Variants in LAMC1 observed in about 807,000 individuals in gnomAD.
The protein encoded by LAMC1 is laminin subunit gamma-1.
A neutral mutation model predicts 173.6 loss-of-function variants in LAMC1; 38 were observed. The ratio of observed to expected loss-of-function variants is 0.22; its 90% CI spans 0.17 to 0.29. The LOEUF (loss-of-function observed/expected upper bound fraction) is 0.29, where lower values mean the gene tolerates loss of function less well. LAMC1 is among the 10% of genes least tolerant of loss of function. LAMC1 has a pLI of 1.00. For synonymous variants in LAMC1, 746 were observed against 749.1 expected, an observed-to-expected ratio of 1.00 and a Z score of 0.07; for missense variants, 1,824 against 2,051.8, an observed-to-expected ratio of 0.89 and a Z score of 2.14.
chr1:183,056,063 A>G (rs1259185580), intron 1 of LAMC1, among the ~76,000 whole-genome samples: 1 of 152,232 alleles, frequency 6.6e-6, no homozygotes, highest in Non-Finnish European at 1.5e-5. Context: ...AAGATGGAGT[A>G]GAACTGGCCC....
At chr1:183,119,655 C>T (rs1476519874) in intron 11 of LAMC1, among the ~76,000 whole-genome samples, 2 of 151,896 alleles carry the variant, frequency 1.3e-5, no homozygotes, top group Non-Finnish European at 2.9e-5. Flanking sequence ...GGATCACGTG[C>T]ACTCAGGAGG....
chr1:183,143,497 T>C lies in LAMC1; in HGVS notation c.*707T>C, dbSNP rs1329035865. On this transcript the variant is annotated 3_prime_UTR_variant, in exon 28 of 28. Transcript: ENST00000258341. ...ATTGACTAGGAAGATGAACTTTTTT[T>C]CAGATCTTTGGGCAGCTGATAATTT... 1.3e-5 allele frequency: 2 copies of C among 152,616 alleles called. No individual in the cohort carries two copies. Among genetic ancestry groups the C allele is most frequent in the Non-Finnish European group, 2.9e-5 (2 of 68,044 alleles). 9.5% of individuals were successfully genotyped at this position (152,616 alleles called of 1,614,324 possible).
intron 1 of LAMC1, among the ~76,000 whole-genome samples, chr1:183,094,844 G>T (rs1448891577): frequency 6.6e-6 from 1 of 151,914 alleles, no homozygotes. Context: ...GATTGGAGGG[G>T]TTTTTTTGTT....
intron 1 of LAMC1, among the ~76,000 whole-genome samples, chr1:183,089,167 T>C (rs1485606862): frequency 6.6e-6 from 1 of 152,228 alleles, no homozygotes; most frequent in Non-Finnish European, 1.5e-5. Flanking sequence ...GAAAGGACTT[T>C]GGCTGTTCTC....
Position 183,023,953 on chromosome 1 carries a change from G to C in LAMC1, c.237G>C (p.Gln79His), listed in dbSNP as rs1653610057. The part of the protein sequence containing the change: ...CGTPPEEYCV[Q>H]TGVTGVTKSC... Reference sequence around the variant, plus strand: ...CTCCGCCCGAGGAATACTGTGTGCAGACCGGGGTGACCGGGGTCACCAAGT... The same window carrying C: ...CTCCGCCCGAGGAATACTGTGTGCACACCGGGGTGACCGGGGTCACCAAGT... Residue 79 changes from glutamine to histidine, a missense_variant, in exon 1 of 28, where the codon CAG (glutamine) becomes CAC (histidine). By Grantham distance (24) the Gln-to-His change is conservative. Transcript: ENST00000258341. 6.2e-7 allele frequency: 1 copy of C among 1,613,254 alleles called. No homozygotes were observed. Among genetic ancestry groups the C allele is most frequent in the Non-Finnish European group, 8.5e-7 (1 of 1,179,958 alleles).
At position 183,116,819 on chromosome 1, in the gene LAMC1, C is replaced by G. The variant is rs774597415; in HGVS notation, c.1480C>G (p.Pro494Ala). Reference protein sequence around the residue: ...LESSNPRGCTPCFCFGHSSVC... With the variant: ...LESSNPRGCTACFCFGHSSVC... ...ATCATCTAATCCTCGGGGTTGCACACCCTGCTTCTGCTTTGGGCATTCTTC... is the reference window on the plus strand; with the variant it reads ...ATCATCTAATCCTCGGGGTTGCACAGCCTGCTTCTGCTTTGGGCATTCTTC... The change falls in exon 8 of 28, where the codon CCC becomes GCC. Residue 494 changes from proline to alanine, a missense_variant. Transcript: ENST00000258341. 1 of 1,613,958 alleles carries G rather than the reference C, an allele frequency of 6.2e-7. No homozygotes were observed. The highest frequency in any genetic ancestry group is 2.2e-5 in the East Asian group (1 of 44,872).
intron 1 of LAMC1, among the ~76,000 whole-genome samples, chr1:183,072,876 T>A (rs1345629996): frequency 1.3e-5 from 2 of 152,248 alleles, no homozygotes; most frequent in Admixed American, 6.5e-5. Context: ...TGCCTGATGA[T>A]CTGTCACTGT....
At chr1:183,137,376 G>C (rs1656974842) in intron 25 of LAMC1, among the ~76,000 whole-genome samples, 1 of 152,098 alleles carries the variant, frequency 6.6e-6, no homozygotes, top group South Asian at 2.1e-4. Context: ...TTTGCTGTCT[G>C]TATGACCCCA....
At chr1:183,136,816 T>C (rs919161472) in intron 25 of LAMC1, among the ~76,000 whole-genome samples, 3 of 152,162 alleles carry the variant, frequency 2.0e-5, no homozygotes, top group African/African-American at 4.8e-5. Flanking sequence ...TTCTACTATG[T>C]CTCAGTGTGA....
Position 183,116,812 on chromosome 1 carries a change from T to A in LAMC1, c.1473T>A (p.Gly491=), listed in dbSNP as rs201684671. 1.4e-5 allele frequency: 23 copies of A among 1,614,048 alleles called. No individual in the cohort carries two copies. Among genetic ancestry groups the A allele is most frequent in the Non-Finnish European group, 1.9e-5 (23 of 1,179,946 alleles). Reference sequence around the variant, plus strand: ...ATCTGGAATCATCTAATCCTCGGGGTTGCACACCCTGCTTCTGCTTTGGGC... The same window carrying A: ...ATCTGGAATCATCTAATCCTCGGGGATGCACACCCTGCTTCTGCTTTGGGC... ...FFNLESSNPR[G]CTPCFCFGHS... Residue 491 remains glycine (G), a synonymous_variant, in exon 8 of 28, where the codon GGT becomes GGA. Coordinates refer to ENST00000258341, the MANE Select transcript of LAMC1 (RefSeq NM_002293.4).
At chr1:183,123,908 GT>G (rs1269697410) in intron 13 of LAMC1, among the ~76,000 whole-genome samples, 1 of 152,158 alleles carries the variant, frequency 6.6e-6, no homozygotes, top group Non-Finnish European at 1.5e-5. Context: ...GGCCCTACTG[GT>G]TACAAAGATA....
At chr1:183,135,225 CT>C (rs1037021041) in intron 24 of LAMC1, 69 bp downstream of exon 24, 7 of 902,300 alleles carry the variant, frequency 7.8e-6, no homozygotes, top group Non-Finnish European at 1.1e-5. Context: ...TTAATCATGA[CT>C]TTTACCATAT....
At chr1:183,098,938 C>A (rs1178140907) in intron 1 of LAMC1, among the ~76,000 whole-genome samples, 1 of 152,086 alleles carries the variant, frequency 6.6e-6, no homozygotes, top group Non-Finnish European at 1.5e-5. Context: ...TCATCTCTAT[C>A]AGAAAACAAA....
intron 1 of LAMC1, among the ~76,000 whole-genome samples, chr1:183,047,145 G>T (rs1465447592): frequency 1.3e-5 from 2 of 152,024 alleles, no homozygotes; most frequent in East Asian, 3.9e-4. Flanking sequence ...GGTAAAATTA[G>T]CTACCAAATT....
At chr1:183,046,318 C>T (rs1260091866) in intron 1 of LAMC1, among the ~76,000 whole-genome samples, 1 of 151,956 alleles carries the variant, frequency 6.6e-6, no homozygotes, top group Non-Finnish European at 1.5e-5. Context: ...ATGTTTAGGC[C>T]TGTGCTTATC....
chr1:183,092,967 C>T (rs572096244), intron 1 of LAMC1, among the ~76,000 whole-genome samples: 1 of 152,252 alleles, frequency 6.6e-6, no homozygotes, highest in East Asian at 1.9e-4. Flanking sequence ...CAGCTACCAC[C>T]TCATTTCTTT....
intron 4 of LAMC1, among the ~76,000 whole-genome samples, chr1:183,111,634 T>C (rs1656155995): frequency 6.6e-6 from 1 of 152,228 alleles, no homozygotes; most frequent in African/African-American, 2.4e-5. Flanking sequence ...AAGGAACCTT[T>C]TAATCATGAT....
At chr1:183,079,473 C>G (rs1655211763) in intron 1 of LAMC1, among the ~76,000 whole-genome samples, 1 of 151,672 alleles carries the variant, frequency 6.6e-6, no homozygotes, top group South Asian at 2.1e-4. Flanking sequence ...CTAGGCTGGT[C>G]TTGATCTCCT....
intron 1 of LAMC1, among the ~76,000 whole-genome samples, chr1:183,057,264 AAAGGCACAATG>A (rs1654621595): frequency 6.6e-6 from 1 of 152,214 alleles, no homozygotes; most frequent in Non-Finnish European, 1.5e-5. Context: ...TTTATATTTC[AAAGGCACAATG>A]ATGTCTGTTT....
Sources: gnomAD v4.1 joint callset for allele counts (sites outside exome capture counted in the v4.1 genomes callset) on GRCh38, gnomAD v4.1.1 for gene constraint, MANE v1.5 for transcripts, NCBI Gene and HGNC (gene_info 2026-07-23, HGNC 2026-07-21) for gene names.